The following DNAH5 variants were observed in gnomAD, a reference collection of about 807,000 sequenced individuals.
DNAH5 encodes the protein dynein axonemal heavy chain 5.
A neutral mutation model predicts 518.2 loss-of-function variants in DNAH5; 372 were observed. The observed-to-expected ratio is 0.72, with a 90% CI of 0.66 to 0.78. The LOEUF is 0.78. DNAH5 is among the 30% of genes least tolerant of loss of function. The pLI is 0.00. For synonymous variants in DNAH5, 2,039 were observed against 2,025.9 expected (o/e 1.01, Z -0.17); for missense variants, 5,523 against 5,687.0 (o/e 0.97, Z 0.93).
intron 65 of DNAH5, among the ~76,000 whole-genome samples, chr5:13,743,660 G>T (rs1748925454): frequency 6.6e-6 from 1 of 151,884 alleles, no homozygotes; most frequent in African/African-American, 2.4e-5. Context: ...TATCTGAACA[G>T]ACATGTCTCA....
At chr5:13,852,589 C>G (rs1767036262) in intron 30 of DNAH5, among the ~76,000 whole-genome samples, 1 of 152,218 alleles carries the variant, frequency 6.6e-6, no homozygotes, top group East Asian at 1.9e-4. Context: ...GATCCCATCC[C>G]CACAGAACCC....
intron 35 of DNAH5, among the ~76,000 whole-genome samples, chr5:13,837,901 C>T (rs565974922): frequency 1.3e-5 from 2 of 151,934 alleles, no homozygotes; most frequent in Non-Finnish European, 2.9e-5. Flanking sequence ...AAGGTTTCAC[C>T]GTGTTAGCCT....
chr5:13,991,053 G>A (rs537710251), intron 1 of DNAH5, among the ~76,000 whole-genome samples: 6 of 152,212 alleles, frequency 3.9e-5, no homozygotes, highest in Admixed American at 2.0e-4. Flanking sequence ...AGTAGGTGTC[G>A]GGGGCTGGAT....
intron 26 of DNAH5, among the ~76,000 whole-genome samples, 157 bp from the exon 27 acceptor site, chr5:13,866,063 T>C (rs1184381021): frequency 2.0e-5 from 3 of 152,246 alleles, no homozygotes; most frequent in Non-Finnish European, 4.4e-5. Context: ...TCATAGAAAC[T>C]ACTTCTAATT....
At chr5:13,789,059 C>T in intron 50 of DNAH5, 145 bp from the exon 51 acceptor site, 1 of 693,758 alleles carries the variant, frequency 1.4e-6, no homozygotes, top group East Asian at 2.7e-5. Context: ...CTCAACTTCA[C>T]TTCAAATTGT....
At chr5:13,829,944 A>G in intron 37 of DNAH5, 82 bp downstream of exon 37, 1 of 1,354,328 alleles carries the variant, frequency 7.4e-7, no homozygotes, top group Admixed American at 1.7e-5. Context: ...ATTCAGGAAA[A>G]CAGATGACAT....
intron 35 of DNAH5, among the ~76,000 whole-genome samples, chr5:13,833,845 G>T (rs1211801019): frequency 6.6e-6 from 1 of 152,170 alleles, no homozygotes; most frequent in Non-Finnish European, 1.5e-5. Flanking sequence ...GAAAAGTGCT[G>T]TATGTTATCA....
rs769458738 is a variant in DNAH5 at position 13,753,489 on chromosome 5, C to T, written c.10616G>A (p.Arg3539His). The change falls in exon 63 of 79, where the codon CGT becomes CAT. Residue 3539 changes from arginine (R) to histidine (H), a missense_variant. Arg to His is a conservative substitution (Grantham distance 29). Around this residue, in one of 3 missense-constraint regions of DNAH5, gnomAD observed 5,121 missense variants for 5,223.3 expected, o/e 0.98. Coordinates refer to ENST00000265104, the MANE Select transcript of DNAH5 (RefSeq NM_001369.3). Reference sequence around the variant, plus strand: ...CCGCCAGTCATTTAACAGAAGATCACGAAACTCTTGGTTAAATGGACCAGA... The same window carrying T: ...CCGCCAGTCATTTAACAGAAGATCATGAAACTCTTGGTTAAATGGACCAGA... ...SYSGPFNQEF[R>H]DLLLNDWRKE... 40 of 1,613,814 alleles carry T rather than the reference C, an allele frequency of 2.5e-5. No individual in the cohort carries two copies. Among genetic ancestry groups the T allele is most frequent in the Middle Eastern group, 1.6e-4 (1 of 6,080 alleles).
intron 1 of DNAH5, among the ~76,000 whole-genome samples, chr5:13,956,575 T>C (rs779883354): frequency 5.9e-5 from 9 of 152,196 alleles, no homozygotes; most frequent in Admixed American, 1.3e-4. Flanking sequence ...CATAAGTAAG[T>C]GTAAAAGGCA....
intron 35 of DNAH5, among the ~76,000 whole-genome samples, chr5:13,835,516 C>T (rs1396248693): frequency 2.6e-5 from 4 of 152,132 alleles, no homozygotes; most frequent in Non-Finnish European, 5.9e-5. Context: ...TCACCACGTG[C>T]GCCAAGCATC....
chr5:13,944,188 C>T (rs923055104), intron 1 of DNAH5, among the ~76,000 whole-genome samples, 194 bp downstream of exon 1: 20 of 152,216 alleles, frequency 1.3e-4, no homozygotes, highest in African/African-American at 4.6e-4. Context: ...GAAAAGCCTA[C>T]AGATGCAAAA....
intron 51 of DNAH5, among the ~76,000 whole-genome samples, chr5:13,787,468 T>C (rs1013852204): frequency 2.0e-5 from 3 of 152,180 alleles, no homozygotes; most frequent in Non-Finnish European, 4.4e-5. Context: ...ATCATGAAGA[T>C]TGACCTATCT....
At chr5:13,740,524 G>T (rs1258059299) in intron 65 of DNAH5, among the ~76,000 whole-genome samples, 1 of 152,134 alleles carries the variant, frequency 6.6e-6, no homozygotes, top group African/African-American at 2.4e-5. Context: ...TACATCAGTG[G>T]TTTTCAAATT....
intron 65 of DNAH5, among the ~76,000 whole-genome samples, chr5:13,743,150 C>A (rs1468578788): frequency 6.6e-6 from 1 of 151,844 alleles, no homozygotes; most frequent in Non-Finnish European, 1.5e-5. Context: ...TCCTTCCCAC[C>A]AAAGGGATTA....
chr5:13,936,964 T>C (rs1185193293), intron 1 of DNAH5, among the ~76,000 whole-genome samples: 1 of 152,138 alleles, frequency 6.6e-6, no homozygotes, highest in African/African-American at 2.4e-5. Flanking sequence ...TTTGCCCTGG[T>C]TGCATTGCCA....
intron 30 of DNAH5, 54 bp downstream of exon 30, chr5:13,859,398 C>T (rs2151899547): frequency 6.2e-7 from 1 of 1,600,320 alleles, no homozygotes; most frequent in Non-Finnish European, 8.6e-7. Context: ...GGGGTAATCG[C>T]TCTGAGAGCT....
At chr5:13,943,384 C>T (rs1302774922) in intron 1 of DNAH5, among the ~76,000 whole-genome samples, 1 of 152,168 alleles carries the variant, frequency 6.6e-6, no homozygotes, top group Non-Finnish European at 1.5e-5. Context: ...TATAAGACAT[C>T]GAAGGAAAGT....
intron 30 of DNAH5, among the ~76,000 whole-genome samples, chr5:13,852,771 GAGCCCAC>G (rs1767068435): frequency 1.1e-4 from 17 of 152,172 alleles, no homozygotes; most frequent in Admixed American, 1.1e-3. Context: ...AGACTGGGCA[GAGCCCAC>G]TGCAGCACCA....
intron 24 of DNAH5, among the ~76,000 whole-genome samples, chr5:13,870,077 T>G (rs548704578): frequency 2.0e-5 from 3 of 152,290 alleles, no homozygotes; most frequent in African/African-American, 7.2e-5. Context: ...GAAAAGATAG[T>G]ATGATATGGT....
Sources: allele counts gnomAD v4.1 joint callset (sites outside exome capture counted in the v4.1 genomes callset), GRCh38; gene constraint gnomAD v4.1.1; regional missense constraint gnomAD v4.1.1; transcripts MANE v1.5; gene names NCBI Gene and HGNC (gene_info 2026-07-23, HGNC 2026-07-21).